Variants in UTY observed in about 807,000 individuals in gnomAD.
The protein encoded by UTY is ubiquitously transcribed tetratricopeptide repeat containing, Y-linked, also known as histone demethylase UTY.
In UTY, 12 loss-of-function variants were observed where a neutral mutation model predicts 32.5. The observed-to-expected ratio is 0.37, with a 90% CI of 0.24 to 0.60. The LOEUF (loss-of-function observed/expected upper bound fraction) is 0.60. Among genes scored for constraint, UTY ranks in the 20% least tolerant of loss-of-function variants. The probability of loss-of-function intolerance (pLI) is 0.69; values close to 1 mark genes in which losing one functional copy is unlikely to be tolerated. For synonymous variants in UTY, 131 were observed against 103.4 expected (o/e 1.27, Z -1.62); for missense variants, 303 against 299.2 (o/e 1.01, Z -0.09).
At chrY:13,373,805 G>T (rs2065152022) in intron 8 of UTY, among the ~76,000 whole-genome samples, 1 of 33,358 alleles carries the variant, frequency 3.0e-5, no homozygotes, top group Non-Finnish European at 7.4e-5. Context: ...GGCTGGTCTC[G>T]AACTCCTGGC....
rs776226208 is a variant in UTY, at chrY:13,317,611, C to T, written c.3276+5944G>A. 9.1e-5 allele frequency among the ~76,000 whole-genome samples: 3 copies of T among 33,144 alleles called. No individual in the cohort carries two copies. In the East Asian group the frequency reaches 2.4e-3, roughly 26 times the overall value. 88.9% of individuals were successfully genotyped at this position (33,144 alleles called of 37,273 possible). ...TCCATTATAATTTTGCAATGGTGGT[C>T]TCATAACTTTAAATAATTACAGTTG... On this transcript the variant is annotated intron_variant, in intron 21 of 29. Transcript: ENST00000545955.
intron 27 of UTY, among the ~76,000 whole-genome samples, chrY:13,281,163 T>C (rs2056991225): frequency 3.0e-5 from 1 of 33,659 alleles, no homozygotes; most frequent in Non-Finnish European, 7.3e-5. Context: ...GTTCTTCAAG[T>C]ACCAAATTTA....
intron 4 of UTY, among the ~76,000 whole-genome samples, chrY:13,435,492 T>G (rs891540572): frequency 2.9e-5 from 1 of 34,080 alleles, no homozygotes; most frequent in Non-Finnish European, 7.3e-5. Context: ...TTACTGTCTT[T>G]GTCTGAAACC....
intron 18 of UTY, 22 bp from the exon 19 acceptor site, chrY:13,326,372 A>G: frequency 2.6e-6 from 1 of 382,692 alleles, no homozygotes; most frequent in Non-Finnish European, 3.7e-6. Flanking sequence ...AGCAGAAGAA[A>G]TGTATCAGTT....
intron 27 of UTY, among the ~76,000 whole-genome samples, chrY:13,289,489 C>G: frequency 2.9e-5 from 1 of 33,924 alleles, no homozygotes; most frequent in African/African-American, 1.2e-4. Flanking sequence ...TTCTGTTTCT[C>G]TCTGTCCGTT....
At chrY:13,377,335 A>G (rs2065495452) in intron 8 of UTY, among the ~76,000 whole-genome samples, 1 of 34,175 alleles carries the variant, frequency 2.9e-5, no homozygotes, top group Non-Finnish European at 7.3e-5. Context: ...AGCATTCATA[A>G]ATATGAAGCA....
rs201684244 is a variant in UTY, at chrY:13,330,562, G to C, written c.2835-4212C>G. Among the ~76,000 whole-genome samples the C allele has an allele frequency of 7.1e-3, 239 of 33,836 alleles. No individual in the cohort carries two copies. The East Asian group carries it at 0.17, about 24-fold the overall frequency. The allele number at this position is 33,836 out of a possible 37,273, so 90.8% of individuals were successfully genotyped here. ...CGTGTGCTTATACCACAAGGGTCCTGGGTTTCAAGCACAAAACTGAGCGGC... is the reference window on the plus strand; with the variant it reads ...CGTGTGCTTATACCACAAGGGTCCTCGGTTTCAAGCACAAAACTGAGCGGC... On this transcript the variant is annotated intron_variant, in intron 18 of 29. Transcript: ENST00000545955.
At chrY:13,361,446 G>A in intron 10 of UTY, among the ~76,000 whole-genome samples, 2 of 32,812 alleles carry the variant, frequency 6.1e-5, no homozygotes, top group South Asian at 6.7e-4. Context: ...AGAACTATAG[G>A]GGAAATAACA....
intron 23 of UTY, 142 bp from the exon 24 acceptor site, chrY:13,305,689 C>T: frequency 3.4e-6 from 1 of 294,212 alleles, no homozygotes; most frequent in Non-Finnish European, 4.6e-6. Flanking sequence ...TTAACTTATT[C>T]CAAAAATAAG....
At chrY:13,290,699 G>T (rs1603317021) in intron 27 of UTY, among the ~76,000 whole-genome samples, 2 of 32,441 alleles carry the variant, frequency 6.2e-5, no homozygotes, top group Non-Finnish European at 1.5e-4. Flanking sequence ...CAAGTAGCTG[G>T]CATGATAGGC....
At chrY:13,320,154 C>T in intron 21 of UTY, among the ~76,000 whole-genome samples, 1 of 33,002 alleles carries the variant, frequency 3.0e-5, no homozygotes, top group East Asian at 7.9e-4. Context: ...TGGTGCTTGG[C>T]TTTCTTGGGG....
At chrY:13,448,329 AAT>A (rs2076072593) in intron 4 of UTY, among the ~76,000 whole-genome samples, 1 of 33,171 alleles carries the variant, frequency 3.0e-5, no homozygotes, top group South Asian at 6.5e-4. Context: ...AGAGTTTTAA[AAT>A]ATATATGTCT....
In UTY at chrY:13,305,502, C is replaced by T; in HGVS notation, c.3462G>A (p.Ala1154=). 1.5e-5 allele frequency: 6 copies of T among 393,329 alleles called. No homozygotes were observed. Among genetic ancestry groups the T allele is most frequent in the South Asian group, 6.1e-5 (2 of 32,983 alleles). ...GAAGATTTCCTGCTGACACCACACG[C>T]GCAAAAGCAGGAAGTTTAGTCAGTT... is the stretch of plus-strand genomic sequence containing the variant. ...LHELTKLPAF[A]RVVSAGNLLT... Residue 1154 remains alanine, a synonymous_variant, in exon 24 of 30, where the codon GCG becomes GCA. Transcript: ENST00000545955.
chrY:13,425,287 G>C, intron 4 of UTY, among the ~76,000 whole-genome samples: 2 of 33,621 alleles, frequency 5.9e-5, no homozygotes, highest in African/African-American at 2.3e-4. Context: ...GAAGGTGAGA[G>C]GAGGAAAGTG....
At chrY:13,350,157 CT>C (rs2062242207) in intron 17 of UTY, among the ~76,000 whole-genome samples, 2 of 34,028 alleles carry the variant, frequency 5.9e-5, no homozygotes, top group African/African-American at 2.3e-4. Context: ...TGAGAAATTT[CT>C]TTGTTATAAA....
chrY:13,234,587 C>G, downstream of UTY: 1 of 133,979 alleles, frequency 7.5e-6, no homozygotes, highest in Non-Finnish European at 1.6e-5. Context: ...GGAAGGAGAA[C>G]AAGACAAAGA....
At chrY:13,443,114 G>T in intron 4 of UTY, among the ~76,000 whole-genome samples, 1 of 32,859 alleles carries the variant, frequency 3.0e-5, no homozygotes, top group Non-Finnish European at 7.5e-5. Context: ...TTTAAAGGGG[G>T]GAATGTGGAA....
chrY:13,415,124 T>C, intron 4 of UTY, among the ~76,000 whole-genome samples: 1 of 32,688 alleles, frequency 3.1e-5, no homozygotes, highest in Non-Finnish European at 7.5e-5. Context: ...TTTAAGTACT[T>C]GCGTATACAT....
At chrY:13,402,661 A>G in intron 6 of UTY, among the ~76,000 whole-genome samples, 1 of 33,452 alleles carries the variant, frequency 3.0e-5, no homozygotes, top group Non-Finnish European at 7.4e-5. Flanking sequence ...TGTCTGCCTC[A>G]GCAAACATCA....
Sources: allele counts gnomAD v4.1 joint callset (sites outside exome capture counted in the v4.1 genomes callset), GRCh38; gene constraint gnomAD v4.1.1; transcripts MANE v1.5; gene names NCBI Gene and HGNC (gene_info 2026-07-23, HGNC 2026-07-21).